Variants in SLC71A2 observed in about 807,000 individuals in gnomAD.
SLC71A2 encodes hippocampus abundant transcript-like 1.
the SLC71A2 span, among the ~76,000 whole-genome samples, chr9:94,386,138 C>T: frequency 9.2e-5 from 14 of 151,888 alleles, no homozygotes; most frequent in Admixed American, 2.6e-4. Flanking sequence ...TTTTCGGTAA[C>T]GATTTGTAGT....
chr9:94,390,976 A>AT, the SLC71A2 span, among the ~76,000 whole-genome samples: 1 of 151,946 alleles, frequency 6.6e-6, no homozygotes, highest in Non-Finnish European at 1.5e-5. Flanking sequence ...CTTCAGGAAG[A>AT]TTTATCTGAT....
chr9:94,430,068 C>T, the SLC71A2 span, among the ~76,000 whole-genome samples: 4 of 151,594 alleles, frequency 2.6e-5, no homozygotes, highest in South Asian at 8.4e-4. Context: ...CCACGCCCAG[C>T]TGATTTTTGT....
chr9:94,380,183 C>T, the SLC71A2 span, among the ~76,000 whole-genome samples: 2 of 152,040 alleles, frequency 1.3e-5, no homozygotes, highest in Non-Finnish European at 2.9e-5. Context: ...AGGAGAATGG[C>T]GTGAATCTGG....
chr9:94,447,822 G>A, the SLC71A2 span, among the ~76,000 whole-genome samples: 4 of 152,058 alleles, frequency 2.6e-5, no homozygotes, highest in Non-Finnish European at 5.9e-5. Flanking sequence ...CTTATGCTAT[G>A]CCTGTTTATC....
At chr9:94,447,837 C>T in the SLC71A2 span, among the ~76,000 whole-genome samples, 1 of 152,126 alleles carries the variant, frequency 6.6e-6, no homozygotes, top group African/African-American at 2.4e-5. Flanking sequence ...TTTATCTCTC[C>T]CTCCACCACC....
the SLC71A2 span, among the ~76,000 whole-genome samples, chr9:94,439,542 ATTTT>A: frequency 7.7e-5 from 11 of 142,600 alleles, no homozygotes; most frequent in Non-Finnish European, 1.4e-4. Flanking sequence ...CTATTAATAG[ATTTT>A]TTTTTTTTTT....
chr9:94,419,519 A>G, the SLC71A2 span, among the ~76,000 whole-genome samples: 2 of 151,866 alleles, frequency 1.3e-5, no homozygotes, highest in East Asian at 3.9e-4. Flanking sequence ...GTTAGCCAGG[A>G]TGGTCTCGAT....
the SLC71A2 span, among the ~76,000 whole-genome samples, chr9:94,382,045 C>G: frequency 6.6e-6 from 1 of 151,660 alleles, no homozygotes; most frequent in Non-Finnish European, 1.5e-5. Context: ...TTTCCTCCTC[C>G]GGCAGAGTCT....
At chr9:94,437,575 G>A in the SLC71A2 span, among the ~76,000 whole-genome samples, 1 of 152,164 alleles carries the variant, frequency 6.6e-6, no homozygotes, top group Non-Finnish European at 1.5e-5. Flanking sequence ...ACTTTACTTT[G>A]ATCGACAAAG....
chr9:94,414,474 A>G, the SLC71A2 span, among the ~76,000 whole-genome samples: 33 of 152,282 alleles, frequency 2.2e-4, no homozygotes, highest in African/African-American at 6.5e-4. Flanking sequence ...AGCATGTGAT[A>G]CCCATACCCA....
chr9:94,429,916 T>G, the SLC71A2 span, among the ~76,000 whole-genome samples: 1 of 151,374 alleles, frequency 6.6e-6, no homozygotes, highest in Non-Finnish European at 1.5e-5. Flanking sequence ...TTTATTTTTT[T>G]TTTTTTTGAG....
At chr9:94,377,222 G>A in the SLC71A2 span, among the ~76,000 whole-genome samples, 1 of 151,876 alleles carries the variant, frequency 6.6e-6, no homozygotes, top group Non-Finnish European at 1.5e-5. Flanking sequence ...ACCTCCGGGT[G>A]CTGTGTCCTA....
chr9:94,395,158 C>T, the SLC71A2 span, among the ~76,000 whole-genome samples: 1 of 145,798 alleles, frequency 6.9e-6, no homozygotes, highest in African/African-American at 2.5e-5. Context: ...AAGTAATCCA[C>T]CCGCCTCAGC....
chr9:94,412,152 T>C, the SLC71A2 span, among the ~76,000 whole-genome samples: 1 of 152,234 alleles, frequency 6.6e-6, no homozygotes, highest in Non-Finnish European at 1.5e-5. Flanking sequence ...TGAATTTAGC[T>C]TAATTTTGCA....
the SLC71A2 span, among the ~76,000 whole-genome samples, chr9:94,393,659 G>A: frequency 7.1e-6 from 1 of 140,628 alleles, no homozygotes; most frequent in Admixed American, 7.4e-5. Flanking sequence ...ATGAAATCGG[G>A]ATAATAATAG....
At chr9:94,424,407 G>A in the SLC71A2 span, among the ~76,000 whole-genome samples, 1 of 151,732 alleles carries the variant, frequency 6.6e-6, no homozygotes, top group Non-Finnish European at 1.5e-5. Flanking sequence ...GCTAATTTTT[G>A]TATTTTTAGT....
At chr9:94,440,311 G>A in the SLC71A2 span, among the ~76,000 whole-genome samples, 7 of 151,946 alleles carry the variant, frequency 4.6e-5, no homozygotes, top group Non-Finnish European at 8.8e-5. Context: ...CCACCACCAC[G>A]CCCGGCTAAG....
the SLC71A2 span, among the ~76,000 whole-genome samples, chr9:94,440,619 A>C: frequency 2.0e-5 from 3 of 152,012 alleles, no homozygotes; most frequent in Non-Finnish European, 4.4e-5. Context: ...TTTTATGTAG[A>C]TCTTTTCAAA....
the SLC71A2 span, among the ~76,000 whole-genome samples, chr9:94,428,115 C>T: frequency 2.7e-5 from 4 of 149,428 alleles, no homozygotes; most frequent in Non-Finnish European, 4.4e-5. Context: ...AGTGAGACTC[C>T]ATCTCCAAAA....
Sources: gnomAD v4.1 joint callset for allele counts (sites outside exome capture counted in the v4.1 genomes callset) on GRCh38, gnomAD v4.1.1 for gene constraint, MANE v1.5 for transcripts, NCBI Gene and HGNC (gene_info 2026-07-23, HGNC 2026-07-21) for gene names.